Variants in SERPINA1 observed in about 807,000 individuals in gnomAD.
SERPINA1 encodes the protein alpha-1-antitrypsin.
Under a neutral mutation model 25.4 loss-of-function variants are expected in SERPINA1, and 21 were observed. The observed-to-expected ratio is 0.83, with a 90% confidence interval of 0.59 to 1.19. The LOEUF (loss-of-function observed/expected upper bound fraction) is 1.19. Among genes scored for constraint, SERPINA1 ranks in the 50% most tolerant of loss-of-function variants. The probability of loss-of-function intolerance (pLI) is 0.00; values close to 1 mark genes in which losing one functional copy is unlikely to be tolerated. For synonymous variants in SERPINA1, 218 were observed against 211.1 expected (o/e 1.03, Z -0.29); for missense variants, 546 against 509.0 (o/e 1.07, Z -0.70).
At chr14:94,389,450 T>G (rs911458666), upstream of SERPINA1, 11 of 152,290 alleles carry the variant, frequency 7.2e-5, no homozygotes, top group East Asian at 1.2e-3. Context: ...TTGACCAGCC[T>G]CAGGCCTGTT....
rs550592374 is a variant in SERPINA1 at position 94,380,889 on chromosome 14, A to G, written c.899T>C (p.Leu300Pro). Residue 300 changes from leucine (L) to proline (P), a missense_variant, in exon 3 of 5, where the codon CTG becomes CCG. Physicochemically the swap from Leu to Pro is moderately conservative, Grantham distance 98 (BLOSUM62 -3). Transcript: ENST00000393087. ...ELTHDIITKF[L>P]ENEDRRSASL... ...GAATCACCTTCTGTCTTCATTTTCC[A>G]GGAACTTGGTGATGATATCGTGGGT... 50 of 1,614,180 alleles carry G rather than the reference A, an allele frequency of 3.1e-5. No individual in the cohort carries two copies. The East Asian group carries it at 1.1e-3, about 35-fold the overall frequency.
chr14:94,384,096 C>T (rs1033632996), intron 1 of SERPINA1: 5 of 152,246 alleles, frequency 3.3e-5, no homozygotes, highest in Non-Finnish European at 7.4e-5. Context: ...GCTTTAGAGA[C>T]GCTCATCTCT....
At position 94,381,078 on chromosome 14, in the gene SERPINA1, A is replaced by C; in HGVS notation, c.710T>G (p.Val237Gly). 1 of 1,612,648 alleles carries C rather than the reference A, an allele frequency of 6.2e-7. No individual in the cohort carries two copies. Residue 237 changes from valine to glycine, a missense_variant, in exon 3 of 5, where the codon GTG becomes GGG. Transcript: ENST00000393087. ...TEEEDFHVDQVTTVKVPMMKR... is the reference protein window; with the variant it reads ...TEEEDFHVDQGTTVKVPMMKR... ...CATCATAGGCACCTTCACGGTGGTC[A>C]CCTGGTCCACGTGGAAGTCCTCTTC...
intron 1 of SERPINA1, among the ~76,000 whole-genome samples, chr14:94,387,827 A>G (rs1455118644): frequency 6.6e-6 from 1 of 151,936 alleles, no homozygotes. Flanking sequence ...ACTGCCTTGG[A>G]GGGTTATGAG....
At chr14:94,386,287 G>T (rs907345169) in intron 1 of SERPINA1, among the ~76,000 whole-genome samples, 20 of 152,328 alleles carry the variant, frequency 1.3e-4, no homozygotes, top group African/African-American at 4.8e-4. Context: ...GCAGGTGGGA[G>T]CACTCTTTGC....
chr14:94,385,802 C>G (rs1248583159), intron 1 of SERPINA1, among the ~76,000 whole-genome samples: 1 of 152,168 alleles, frequency 6.6e-6, no homozygotes, highest in African/African-American at 2.4e-5. Context: ...AGCACATTCC[C>G]CCACACCCAT....
At chr14:94,387,527 G>A (rs3748316) in intron 1 of SERPINA1, among the ~76,000 whole-genome samples, 25,551 of 152,168 alleles carry the variant, frequency 0.17, 2,553 homozygotes, top group Admixed American at 0.27. Context: ...TGGGGTGAGG[G>A]GAGGGGACAG....
chr14:94,389,147 C>G (rs1299460239), upstream of SERPINA1: 1 of 152,348 alleles, frequency 6.6e-6, no homozygotes, highest in Non-Finnish European at 1.5e-5. Flanking sequence ...AAAAATGGAG[C>G]ATGACTGAGG....
At chr14:94,382,554 T>A (rs1897003341) in intron 2 of SERPINA1, 38 bp downstream of exon 2, 1 of 1,614,040 alleles carries the variant, frequency 6.2e-7, no homozygotes, top group African/African-American at 1.3e-5. Context: ...TTTTGCTTGT[T>A]TCTATGGGAA....
At position 94,382,715 on chromosome 14, in the gene SERPINA1, CG is replaced by C. The variant is rs1897019895; in HGVS notation, c.522del (p.Glu175LysfsTer35). 1 of 1,614,118 alleles carries C rather than the reference CG, an allele frequency of 6.2e-7. No individual in the cohort carries two copies. The highest frequency in any genetic ancestry group is 1.3e-5 in the African/African-American group (1 of 74,932). The part of the protein sequence containing the change: ...SEAFTVNFGD[T>X]EEAKKQINDY... ...TCGTTGATCTGTTTCTTGGCCTCTTCGGTGTCCCCGAAGTTGACAGTGAAGG... is the reference window on the plus strand; with the variant it reads ...TCGTTGATCTGTTTCTTGGCCTCTTCGTGTCCCCGAAGTTGACAGTGAAGG... On this transcript the variant is annotated frameshift_variant, in exon 2 of 5. Transcript: ENST00000393087. LOFTEE classifies it high-confidence loss of function.
chr14:94,385,923 C>T (rs1213445572), intron 1 of SERPINA1, among the ~76,000 whole-genome samples: 1 of 152,146 alleles, frequency 6.6e-6, no homozygotes, highest in African/African-American at 2.4e-5. Context: ...AAGTCAGTGA[C>T]AAAGCTGGAA....
At chr14:94,381,721 T>C (rs1170351049) in intron 2 of SERPINA1, among the ~76,000 whole-genome samples, 2 of 152,158 alleles carry the variant, frequency 1.3e-5, no homozygotes, top group Non-Finnish European at 2.9e-5. Context: ...GCTTTCTCAT[T>C]GGACAGAAGG....
upstream of SERPINA1, chr14:94,389,691 C>G (rs977158239): frequency 6.6e-6 from 1 of 152,192 alleles, no homozygotes; most frequent in Non-Finnish European, 1.5e-5. Flanking sequence ...TGGGAGCTGG[C>G]GTACGTGCCG....
Position 94,381,077 on chromosome 14 carries a change from C to T in SERPINA1, c.711G>A (p.Val237=), listed in dbSNP as rs951850638. 5.0e-6 allele frequency: 8 copies of T among 1,613,804 alleles called. No homozygotes were observed. The African/African-American group carries it at 9.4e-5, about 19-fold the overall frequency. ...TEEEDFHVDQ[V]TTVKVPMMKR... ...TCATCATAGGCACCTTCACGGTGGT[C>T]ACCTGGTCCACGTGGAAGTCCTCTT... The change falls in exon 3 of 5, where the codon GTG becomes GTA. Residue 237 remains valine (V), a synonymous_variant. Transcript: ENST00000393087.
rs748777702 is a variant in SERPINA1 at position 94,380,870 on chromosome 14, CCTT to C, written c.915_917del (p.Arg306del). On this transcript the variant is annotated inframe_deletion and splice_region_variant, in exon 3 of 5. Coordinates refer to ENST00000393087, the MANE Select transcript of SERPINA1 (RefSeq NM_000295.5). Reference sequence around the variant, plus strand: ...TGGTCACCCTCAGGTTGGGGAATCACCTTCTGTCTTCATTTTCCAGGAACTTGG... The same window carrying C: ...TGGTCACCCTCAGGTTGGGGAATCACCTGTCTTCATTTTCCAGGAACTTGG... 6 of 1,614,126 alleles carry C rather than the reference CCTT, an allele frequency of 3.7e-6. No homozygotes were observed. Among genetic ancestry groups the C allele is most frequent in the Admixed American group, 3.3e-5 (2 of 60,006 alleles).
rs984169953 is a variant in SERPINA1 at position 94,380,851 on chromosome 14, C to G, written c.917+20G>C. The G allele has an allele frequency of 1.9e-6, 3 of 1,614,086 alleles. No homozygotes were observed. In the Admixed American group the frequency reaches 5.0e-5, roughly 27 times the overall value. On this transcript the variant is annotated intron_variant, in intron 3 of 4. Transcript: ENST00000393087. ...AGAGGTGTGGGCAGCTTCTTGGTCA[C>G]CCTCAGGTTGGGGAATCACCTTCTG...
upstream of SERPINA1, chr14:94,389,727 A>C (rs1213112874): frequency 6.6e-6 from 1 of 152,182 alleles, no homozygotes; most frequent in East Asian, 1.9e-4. Flanking sequence ...TGAATGGATG[A>C]GTGCATTTTT....
intron 1 of SERPINA1, among the ~76,000 whole-genome samples, chr14:94,388,294 C>A (rs1296132863): frequency 6.6e-6 from 1 of 152,176 alleles, no homozygotes; most frequent in Middle Eastern, 3.2e-3. Context: ...CCTAGACACC[C>A]TCATCCACTT....
intron 1 of SERPINA1, among the ~76,000 whole-genome samples, chr14:94,386,261 C>T (rs1435825852): frequency 6.6e-6 from 1 of 152,200 alleles, no homozygotes; most frequent in Non-Finnish European, 1.5e-5. Flanking sequence ...TTCATGGTGA[C>T]ATTTCTGGGA....
Sources: gnomAD v4.1 joint callset for allele counts (sites outside exome capture counted in the v4.1 genomes callset) on GRCh38, gnomAD v4.1.1 for gene constraint, MANE v1.5 for transcripts, NCBI Gene and HGNC (gene_info 2026-07-23, HGNC 2026-07-21) for gene names.